The following MAN1A1 variants were observed in gnomAD, a reference collection of about 807,000 sequenced individuals.
MAN1A1 encodes the protein mannosidase alpha class 1A member 1, also known as mannosyl-oligosaccharide 1,2-alpha-mannosidase IA.
A neutral mutation model predicts 70.8 loss-of-function variants in MAN1A1; 29 were observed. The observed-to-expected ratio is 0.41, with a 90% CI of 0.31 to 0.56. The LOEUF (loss-of-function observed/expected upper bound fraction) is 0.56, where lower values mean the gene tolerates loss of function less well. MAN1A1 is among the 20% of genes least tolerant of loss of function. MAN1A1 has a pLI of 0.29. For missense variants in MAN1A1, 747 were observed against 841.3 expected (o/e 0.89, Z 1.39); for synonymous variants, 349 against 330.1 (o/e 1.06, Z -0.62).
intron 2 of MAN1A1, among the ~76,000 whole-genome samples, chr6:119,340,181 C>T (rs185284485): frequency 6.6e-6 from 1 of 152,162 alleles, no homozygotes; most frequent in Non-Finnish European, 1.5e-5. Context: ...TGGGTAGATA[C>T]CCCTGAGCTT....
chr6:119,320,135 G>C (rs995461071), intron 2 of MAN1A1, among the ~76,000 whole-genome samples: 22 of 152,192 alleles, frequency 1.4e-4, no homozygotes, highest in Admixed American at 1.2e-3. Flanking sequence ...CACCACGCCT[G>C]GCTAATTTTT....
intron 6 of MAN1A1, among the ~76,000 whole-genome samples, chr6:119,205,539 T>C (rs771373515): frequency 6.6e-6 from 1 of 152,196 alleles, no homozygotes; most frequent in Non-Finnish European, 1.5e-5. Flanking sequence ...GTGAAAGCCA[T>C]GAGCTTCAGA....
In MAN1A1 at chr6:119,214,275, T is replaced by C. The variant is rs184395518; in HGVS notation, c.993-9393A>G. On this transcript the variant is annotated intron_variant, in intron 6 of 12. Transcript: ENST00000368468. ...CACTGTGCCCAGCCCTAAAAACCTT[T>C]ATAAAGTAAGAATAATCAAAATGGG... Among the ~76,000 whole-genome samples, 526 of 152,244 alleles carry C rather than the reference T, an allele frequency of 3.5e-3. 3 individuals carry two copies. Among genetic ancestry groups the C allele is most frequent in the African/African-American group, 0.012 (497 of 41,536 alleles).
At chr6:119,341,084 T>G (rs541344139) in intron 2 of MAN1A1, among the ~76,000 whole-genome samples, 121 of 152,350 alleles carry the variant, frequency 7.9e-4, no homozygotes, top group African/African-American at 2.8e-3. Context: ...CTAAAGCAAC[T>G]ACCAGAGTAT....
rs941976482 is a variant in MAN1A1 at position 119,349,293 on chromosome 6, G to A, written c.-222-6C>T. 2.5e-6 allele frequency: 3 copies of A among 1,204,124 alleles called. No homozygotes were observed. The highest frequency in any genetic ancestry group is 3.2e-5 in the African/African-American group (2 of 63,236). 74.6% of individuals were successfully genotyped at this position (1,204,124 alleles called of 1,614,324 possible). On this transcript the variant is annotated splice_region_variant and splice_polypyrimidine_tract_variant and intron_variant, in intron 1 of 12. Transcript: ENST00000368468. ...CAGACCGCTGGCTGCAGCCCCTGCG[G>A]GGAGAGAAACAGTAAAACGTAGTAA...
Position 119,345,206 on chromosome 6 carries a change from G to A in MAN1A1, c.603+3257C>T, listed in dbSNP as rs544282880. Reference sequence around the variant, plus strand: ...GGAGAGGTTGAGGGGGGGGCGGAGCGGGGGAGAAGGGAAGCTAAAAATGAT... The same window carrying A: ...GGAGAGGTTGAGGGGGGGGCGGAGCAGGGGAGAAGGGAAGCTAAAAATGAT... On this transcript the variant is annotated intron_variant, in intron 2 of 12. Coordinates refer to ENST00000368468, the MANE Select transcript of MAN1A1 (RefSeq NM_005907.4). Among the ~76,000 whole-genome samples, 168 of 151,428 alleles carry A rather than the reference G, an allele frequency of 1.1e-3. 1 individual carries two copies. Among genetic ancestry groups the A allele is most frequent in the Middle Eastern group, 3.4e-3 (1 of 294 alleles).
chr6:119,206,379 C>G (rs116847010), intron 6 of MAN1A1, among the ~76,000 whole-genome samples: 1 of 152,104 alleles, frequency 6.6e-6, no homozygotes, highest in Admixed American at 6.5e-5. Context: ...CCTGTCCTGG[C>G]GTCTGCTGCC....
rs1773835630 is a variant in MAN1A1, at chr6:119,349,223, G to C, written c.-158C>G. ...TCCCTGGGGGAACAACTCCGCGCCG[G>C]GTCTTCTCCCCGGGGCGGCTCCTCG... On this transcript the variant is annotated 5_prime_UTR_variant, in exon 2 of 13. Transcript: ENST00000368468. 1.6e-6 allele frequency: 2 copies of C among 1,214,984 alleles called. No individual in the cohort carries two copies. The highest frequency in any genetic ancestry group is 8.5e-5 in the South Asian group (2 of 23,662). 75.3% of individuals were successfully genotyped at this position (1,214,984 alleles called of 1,614,324 possible).
intron 2 of MAN1A1, among the ~76,000 whole-genome samples, chr6:119,320,583 G>GT (rs750987583): frequency 6.6e-6 from 1 of 151,772 alleles, no homozygotes; most frequent in African/African-American, 2.4e-5. Flanking sequence ...CTCTGATTAA[G>GT]TTTTAAAGAC....
intron 5 of MAN1A1, among the ~76,000 whole-genome samples, chr6:119,260,965 G>A (rs375300398): frequency 1.9e-5 from 2 of 107,348 alleles, no homozygotes; most frequent in African/African-American, 7.3e-5. Flanking sequence ...TAAATGTCTT[G>A]TTTTTTTATT....
In MAN1A1 at chr6:119,258,133, A is replaced by C. The variant is rs116162361; in HGVS notation, c.898-9779T>G. 4.6e-3 allele frequency among the ~76,000 whole-genome samples: 699 copies of C among 152,314 alleles called. 3 individuals are homozygous for C. Among genetic ancestry groups the C allele is most frequent in the African/African-American group, 0.016 (658 of 41,580 alleles). On this transcript the variant is annotated intron_variant, in intron 5 of 12. Transcript: ENST00000368468. ...ACTGAATTTATGGACTCCACTACAT[A>C]GATGTTAATATGTGACATCATAGGG...
intron 6 of MAN1A1, among the ~76,000 whole-genome samples, chr6:119,206,861 G>A (rs1488013704): frequency 5.9e-5 from 9 of 152,114 alleles, no homozygotes; most frequent in African/African-American, 1.4e-4. Flanking sequence ...ACAAAGCTGC[G>A]ACATAAGGCA....
At chr6:119,348,387 C>T in intron 2 of MAN1A1, 76 bp downstream of exon 2, 2 of 1,385,510 alleles carry the variant, frequency 1.4e-6, no homozygotes, top group Non-Finnish European at 2.0e-6. Flanking sequence ...TTGCAGTCTT[C>T]AGAGTTTCAA....
At chr6:119,249,113 T>C (rs1322775271) in intron 5 of MAN1A1, among the ~76,000 whole-genome samples, 3 of 150,472 alleles carry the variant, frequency 2.0e-5, no homozygotes, top group Non-Finnish European at 3.0e-5. Context: ...CAGACCGGAG[T>C]GAAGATTGAA....
chr6:119,218,829 C>T (rs1453761986), intron 6 of MAN1A1, among the ~76,000 whole-genome samples: 5 of 152,092 alleles, frequency 3.3e-5, no homozygotes, highest in Admixed American at 6.5e-5. Context: ...TAGGCTCTGG[C>T]AACCAGCAAC....
intron 6 of MAN1A1, among the ~76,000 whole-genome samples, chr6:119,247,365 A>G (rs534118647): frequency 1.3e-5 from 2 of 152,284 alleles, no homozygotes; most frequent in African/African-American, 4.8e-5. Context: ...CTATTGGTAA[A>G]ATGGAGATAA....
intron 5 of MAN1A1, among the ~76,000 whole-genome samples, chr6:119,255,818 T>C (rs1224552213): frequency 6.6e-6 from 1 of 152,242 alleles, no homozygotes; most frequent in Non-Finnish European, 1.5e-5. Flanking sequence ...TCTTTCTTTC[T>C]TCTCATTCTG....
At chr6:119,324,304 A>G (rs555385123) in intron 2 of MAN1A1, among the ~76,000 whole-genome samples, 1 of 152,346 alleles carries the variant, frequency 6.6e-6, no homozygotes, top group South Asian at 2.1e-4. Flanking sequence ...ACTTTGCCAT[A>G]ATAATACAGT....
At chr6:119,297,809 G>GT (rs1459150145) in intron 4 of MAN1A1, among the ~76,000 whole-genome samples, 1 of 95,710 alleles carries the variant, frequency 1.0e-5, no homozygotes, top group Non-Finnish European at 2.0e-5. Context: ...GTTTTGTTTT[G>GT]TTTTTTAAAT....
Sources: allele counts gnomAD v4.1 joint callset (sites outside exome capture counted in the v4.1 genomes callset), GRCh38; gene constraint gnomAD v4.1.1; transcripts MANE v1.5; gene names NCBI Gene and HGNC (gene_info 2026-07-23, HGNC 2026-07-21).